Variants in ZNF462 observed in about 807,000 individuals in gnomAD.
ZNF462 encodes the protein zinc finger PBX1-interacting protein.
A neutral mutation model predicts 201.9 loss-of-function variants in ZNF462; 10 were observed. The ratio of observed to expected loss-of-function variants is 0.05; its 90% CI spans 0.03 to 0.08. The LOEUF (loss-of-function observed/expected upper bound fraction) is 0.08, where lower values mean the gene tolerates loss of function less well. ZNF462 is among the 10% of genes least tolerant of loss of function. The pLI, the probability that ZNF462 is intolerant of heterozygous loss-of-function variation, is 1.00. For synonymous variants in ZNF462, 1,227 were observed against 1,193.3 expected (o/e 1.03, Z -0.58); for missense variants, 2,523 against 3,168.3 (o/e 0.80, Z 4.89).
At chr9:106,906,282 G>C (rs2131242203) in intron 1 of ZNF462, among the ~76,000 whole-genome samples, 1 of 152,304 alleles carries the variant, frequency 6.6e-6, no homozygotes, top group East Asian at 1.9e-4. Context: ...GCTCTTTTCA[G>C]AGGGCCTGTG....
At chr9:106,959,049 G>T (rs1322556283) in intron 7 of ZNF462, among the ~76,000 whole-genome samples, 1 of 152,146 alleles carries the variant, frequency 6.6e-6, no homozygotes, top group African/African-American at 2.4e-5. Flanking sequence ...GAAGCAAGTT[G>T]ATTTGTGACC....
rs145741236 is a variant in ZNF462, at chr9:106,928,097, C to T, written c.4185C>T (p.Ala1395=). 584 of 1,614,168 alleles carry T rather than the reference C, an allele frequency of 3.6e-4. 1 individual carries two copies. In the African/African-American group the frequency reaches 6.7e-3, roughly 19 times the overall value. Residue 1395 remains alanine (A), a synonymous_variant, in exon 3 of 13, where the codon GCC becomes GCT. Transcript: ENST00000277225. The surrounding 1 kb of genome is among the most constrained non-coding windows in gnomAD (Gnocchi z 9.3). ...TNHYQAFHPW[A]MNGDESVLLD... The stretch of plus-strand genomic sequence containing the variant: ...ACTACCAAGCATTCCACCCCTGGGC[C>T]ATGAATGGTGATGAGTCAGTGCTAC...
At position 106,932,789 on chromosome 9, in the gene ZNF462, C is replaced by G. The variant is rs1830476797; in HGVS notation, c.6116+240C>G. On this transcript the variant is annotated intron_variant, in intron 5 of 12. Transcript: ENST00000277225. The surrounding 1 kb of genome is among the most constrained non-coding windows in gnomAD (Gnocchi z 6.8). ...TTAAAAATGAGAATTGGAGGAATTG[C>G]TATGATTTACCCAAAGGTAAAATGG... The G allele has an allele frequency of 1.3e-5, 8 of 599,884 alleles. No homozygotes were observed. The highest frequency in any genetic ancestry group is 1.5e-5 in the Non-Finnish European group (5 of 341,038). The allele number at this position is 599,884 out of a possible 1,614,324, so 37.2% of individuals were successfully genotyped here. A position where few individuals can be genotyped will look rare whatever the true frequency, so the allele number is the denominator to read the frequency against.
At position 106,879,568 on chromosome 9, in the gene ZNF462, A is replaced by C. The variant is rs184656298; in HGVS notation, c.-31+16213A>C. On this transcript the variant is annotated intron_variant, in intron 1 of 12. Coordinates refer to ENST00000277225, the MANE Select transcript of ZNF462 (RefSeq NM_021224.6). Reference sequence around the variant, plus strand: ...AGAAAGGGCTTCATTAGGCAGGAGCATCTTTGTGCTTGAGATGGAATCCCA... The same window carrying C: ...AGAAAGGGCTTCATTAGGCAGGAGCCTCTTTGTGCTTGAGATGGAATCCCA... Among the ~76,000 whole-genome samples the C allele has an allele frequency of 4.1e-3, 622 of 152,184 alleles. 17 individuals are homozygous for C. The highest frequency in any genetic ancestry group is 6.6e-4 in the Non-Finnish European group (45 of 68,008).
At position 106,883,801 on chromosome 9, in the gene ZNF462, CA is replaced by C. The variant is rs1828204232; in HGVS notation, c.-31+20447del. Among the ~76,000 whole-genome samples, 1 of 152,164 alleles carries C rather than the reference CA, an allele frequency of 6.6e-6. No individual in the cohort carries two copies. Among genetic ancestry groups the C allele is most frequent in the South Asian group, 2.1e-4 (1 of 4,816 alleles). On this transcript the variant is annotated intron_variant, in intron 1 of 12. Coordinates refer to ENST00000277225, the MANE Select transcript of ZNF462 (RefSeq NM_021224.6). The surrounding 1 kb of genome is among the most constrained non-coding windows in gnomAD (Gnocchi z 4.9). ...GCCCTGGCTTGTTCATTTAGATGGA[CA>C]GGGGAGCCTACGCAAGTCATGGGGG... is the stretch of plus-strand genomic sequence containing the variant.
In ZNF462 at chr9:107,009,483, T is replaced by C. The variant is rs557641728; in HGVS notation, c.7190-62T>C. 1.1e-5 allele frequency: 17 copies of C among 1,603,238 alleles called. No individual in the cohort carries two copies. In the East Asian group the frequency reaches 3.4e-4, roughly 32 times the overall value. ...GGAGAGAGGGTATCCTAATGAATGC[T>C]GACTTACCTATTCTGCTGATTCCCA... On this transcript the variant is annotated intron_variant, in intron 11 of 12. Transcript: ENST00000277225. This position sits in a 1 kb window ranked among gnomAD's most constrained non-coding sequence, Gnocchi z 6.1.
At chr9:106,952,911 G>A (rs1831414651) in intron 7 of ZNF462, among the ~76,000 whole-genome samples, 1 of 152,162 alleles carries the variant, frequency 6.6e-6, no homozygotes, top group Non-Finnish European at 1.5e-5. Context: ...AAATCCAGCA[G>A]AGTTGAGGTT....
At chr9:106,889,848 A>G (rs891168158) in intron 1 of ZNF462, among the ~76,000 whole-genome samples, 3 of 152,118 alleles carry the variant, frequency 2.0e-5, no homozygotes, top group Non-Finnish European at 4.4e-5. Context: ...CTTATGTACT[A>G]TCTTTATTTG....
intron 1 of ZNF462, among the ~76,000 whole-genome samples, chr9:106,899,761 A>C (rs1280302364): frequency 2.6e-5 from 4 of 152,202 alleles, no homozygotes; most frequent in Non-Finnish European, 4.4e-5. Context: ...ACAACAGCTC[A>C]TTCTCAGGTT....
At chr9:106,908,910 C>CATATATACATATATATAT (rs1458619122) in intron 1 of ZNF462, among the ~76,000 whole-genome samples, 2 of 43,978 alleles carry the variant, frequency 4.5e-5, no homozygotes, top group African/African-American at 2.2e-4. Context: ...CCCATATATA[C>CATATATACATATATATAT]ATATATATAT....
chr9:106,908,538 C>T (rs867205613), intron 1 of ZNF462, among the ~76,000 whole-genome samples: 1 of 151,836 alleles, frequency 6.6e-6, no homozygotes, highest in South Asian at 2.1e-4. Flanking sequence ...TATCATTTTA[C>T]TATATATGTG....
chr9:107,006,386 C>T lies in ZNF462; in HGVS notation c.7189+2960C>T, dbSNP rs917068525. ...ACAAACAACAACAAAAAATATAAAC[C>T]CTGGAGACCAAATTCAATTCAAATT... is the stretch of plus-strand genomic sequence containing the variant. On this transcript the variant is annotated intron_variant, in intron 11 of 12. Transcript: ENST00000277225. The surrounding 1 kb of genome is among the most constrained non-coding windows in gnomAD (Gnocchi z 4.3). Among the ~76,000 whole-genome samples the T allele has an allele frequency of 6.6e-6, 1 of 151,894 alleles. No individual in the cohort carries two copies. The highest frequency in any genetic ancestry group is 2.4e-5 in the African/African-American group (1 of 41,328).
chr9:107,011,306 C>T lies in ZNF462; in HGVS notation c.*276C>T, dbSNP rs1588216397. On this transcript the variant is annotated 3_prime_UTR_variant, in exon 13 of 13. Coordinates refer to ENST00000277225, the MANE Select transcript of ZNF462 (RefSeq NM_021224.6). The surrounding 1 kb of genome is among the most constrained non-coding windows in gnomAD (Gnocchi z 5.6). Reference sequence around the variant, plus strand: ...TTTCATTTGTTGCGGAATATGGAAGCACCTCCCAATGGTACGGTGCACCCT... The same window carrying T: ...TTTCATTTGTTGCGGAATATGGAAGTACCTCCCAATGGTACGGTGCACCCT... 2.5e-6 allele frequency: 1 copy of T among 401,846 alleles called. No homozygotes were observed. Among genetic ancestry groups the T allele is most frequent in the East Asian group, 5.3e-5 (1 of 18,874 alleles). 24.9% of individuals were successfully genotyped at this position (401,846 alleles called of 1,614,324 possible).
At position 106,917,722 on chromosome 9, in the gene ZNF462, A is replaced by G. The variant is rs1385037939; in HGVS notation, c.-30-5632A>G. Among the ~76,000 whole-genome samples, 1 of 152,168 alleles carries G rather than the reference A, an allele frequency of 6.6e-6. No homozygotes were observed. The highest frequency in any genetic ancestry group is 1.5e-5 in the Non-Finnish European group (1 of 68,030). On this transcript the variant is annotated intron_variant, in intron 1 of 12. Coordinates refer to ENST00000277225, the MANE Select transcript of ZNF462 (RefSeq NM_021224.6). This position sits in a 1 kb window ranked among gnomAD's most constrained non-coding sequence, Gnocchi z 4.5. The stretch of plus-strand genomic sequence containing the variant: ...ATGTAGCAAAAAGTATAAACATTTG[A>G]TAGGTCATTTGAAGACTACATGGTG...
intron 1 of ZNF462, among the ~76,000 whole-genome samples, chr9:106,898,235 C>A (rs959128882): frequency 1.3e-5 from 2 of 152,086 alleles, no homozygotes; most frequent in African/African-American, 4.8e-5. Flanking sequence ...GAACACAGTC[C>A]CTGCTTTCAA....
chr9:106,946,181 C>T (rs1289386728), intron 7 of ZNF462, among the ~76,000 whole-genome samples: 1 of 152,204 alleles, frequency 6.6e-6, no homozygotes, highest in African/African-American at 2.4e-5. Context: ...GAGTTTGCTT[C>T]ATAATTCCAC....
chr9:106,929,751 C>G lies in ZNF462; in HGVS notation c.5839C>G (p.Gln1947Glu). The stretch of plus-strand genomic sequence containing the variant: ...AGATGGTGCTTTTGCAGATTTCAAA[C>G]AAGAGAGGGTAAGGATATGTTTTGA... ...YADGAFADFK[Q>E]ERPFGHLEEV... Residue 1947 changes from glutamine (Q) to glutamate (E), a missense_variant, in exon 3 of 13, where the codon CAA becomes GAA. Gln to Glu is a conservative substitution (Grantham distance 29, BLOSUM62 2). Around this residue, in one of 15 missense-constraint regions of ZNF462, gnomAD observed 107 missense variants for 187.7 expected, o/e 0.57. Coordinates refer to ENST00000277225, the MANE Select transcript of ZNF462 (RefSeq NM_021224.6). The surrounding 1 kb of genome is among the most constrained non-coding windows in gnomAD (Gnocchi z 8.7). 2 of 1,611,490 alleles carry G rather than the reference C, an allele frequency of 1.2e-6. No individual in the cohort carries two copies. Among genetic ancestry groups the G allele is most frequent in the Non-Finnish European group, 1.7e-6 (2 of 1,178,682 alleles).
chr9:106,898,995 T>C (rs1234070103), intron 1 of ZNF462, among the ~76,000 whole-genome samples: 1 of 152,160 alleles, frequency 6.6e-6, no homozygotes, highest in Non-Finnish European at 1.5e-5. Flanking sequence ...ATGCTTTATG[T>C]TCCTTATCCA....
At chr9:106,863,099 A>AGAGG (rs1198594852), upstream of ZNF462, 2 of 389,146 alleles carry the variant, frequency 5.1e-6, no homozygotes, top group Admixed American at 4.5e-5. Context: ...AGTGAGAGGG[A>AGAGG]GAGGGAGGGA....
Sources: gnomAD v4.1 joint callset for allele counts (sites outside exome capture counted in the v4.1 genomes callset) on GRCh38, gnomAD v4.1.1 for gene constraint, gnomAD v4.1.1 regional missense constraint, Gnocchi (gnomAD v3.1) non-coding constraint, MANE v1.5 for transcripts, NCBI Gene and HGNC (gene_info 2026-07-23, HGNC 2026-07-21) for gene names.